The following MARCHF1 variants were observed in gnomAD, a reference collection of about 807,000 sequenced individuals.
MARCHF1 encodes the protein E3 ubiquitin-protein ligase MARCHF1.
MARCHF1 carries 40 observed loss-of-function variants against 54.2 expected under a neutral mutation model. The observed-to-expected ratio is 0.74, with a 90% CI of 0.57 to 0.96. The LOEUF (loss-of-function observed/expected upper bound fraction) is 0.96, where lower values mean the gene tolerates loss of function less well. Among genes scored for constraint, MARCHF1 ranks in the 40% least tolerant of loss-of-function variants. The pLI is 0.00. For synonymous variants in MARCHF1, 236 were observed against 236.3 expected (o/e 1.00, Z 0.01); for missense variants, 586 against 656.5 (o/e 0.89, Z 1.17).
At chr4:163,590,517 T>G (rs1465974922) in intron 7 of MARCHF1, among the ~76,000 whole-genome samples, 1 of 152,132 alleles carries the variant, frequency 6.6e-6, no homozygotes, top group Non-Finnish European at 1.5e-5. Context: ...ATTCTTAAGA[T>G]ATGCAGTTAT....
intron 3 of MARCHF1, among the ~76,000 whole-genome samples, chr4:163,949,583 A>T (rs1752092310): frequency 6.6e-6 from 1 of 152,230 alleles, no homozygotes; most frequent in South Asian, 2.1e-4. Flanking sequence ...TACACAGACA[A>T]GTGGAGGGTA....
chr4:163,620,638 G>C (rs1197595614), intron 5 of MARCHF1, among the ~76,000 whole-genome samples: 1 of 117,678 alleles, frequency 8.5e-6, no homozygotes, highest in Non-Finnish European at 1.8e-5. Flanking sequence ...GAGAGAGAGA[G>C]AGAGAGAGAC....
intron 1 of MARCHF1, among the ~76,000 whole-genome samples, chr4:164,143,392 GA>G (rs1398914828): frequency 6.7e-6 from 1 of 148,470 alleles, no homozygotes; most frequent in Non-Finnish European, 1.5e-5. Flanking sequence ...AAGTTGAAAT[GA>G]AGGAAAAAAT....
intron 1 of MARCHF1, among the ~76,000 whole-genome samples, chr4:164,274,027 C>CA (rs1733808279): frequency 2.0e-5 from 2 of 102,112 alleles, no homozygotes; most frequent in South Asian, 6.3e-4. Context: ...CCTAATCCTC[C>CA]AAAATCACTA....
chr4:164,277,650 C>T (rs1218281631), intron 1 of MARCHF1, among the ~76,000 whole-genome samples: 1 of 152,234 alleles, frequency 6.6e-6, no homozygotes, highest in African/African-American at 2.4e-5. Flanking sequence ...AATCCTCTGG[C>T]CTCCAGCCCA....
intron 5 of MARCHF1, among the ~76,000 whole-genome samples, chr4:163,633,825 A>G (rs1396528463): frequency 6.6e-6 from 1 of 152,142 alleles, no homozygotes; most frequent in Non-Finnish European, 1.5e-5. Context: ...TGAAGGAAAA[A>G]ATGTTAAGGG....
chr4:163,881,452 C>T (rs185383932), intron 3 of MARCHF1, among the ~76,000 whole-genome samples: 1 of 151,584 alleles, frequency 6.6e-6, no homozygotes, highest in East Asian at 1.9e-4. Context: ...GCCTGGGCAA[C>T]AAGAGCGAGA....
chr4:163,939,597 C>T (rs1751869256), intron 3 of MARCHF1, among the ~76,000 whole-genome samples: 1 of 152,162 alleles, frequency 6.6e-6, no homozygotes, highest in Non-Finnish European at 1.5e-5. Flanking sequence ...TATTTTTCTA[C>T]ATATCTGACC....
chr4:163,683,195 G>GT (rs1201776072), intron 5 of MARCHF1, among the ~76,000 whole-genome samples: 1 of 152,166 alleles, frequency 6.6e-6, no homozygotes, highest in Non-Finnish European at 1.5e-5. Context: ...AAAGAAAGAG[G>GT]TTTAATGGAC....
intron 2 of MARCHF1, among the ~76,000 whole-genome samples, chr4:164,061,202 C>T (rs1754608343): frequency 6.6e-6 from 1 of 152,000 alleles, no homozygotes; most frequent in Admixed American, 6.6e-5. Flanking sequence ...CTTGTTGGTT[C>T]CACTCACAAT....
chr4:164,016,137 T>G (rs958202061), intron 2 of MARCHF1, among the ~76,000 whole-genome samples: 9 of 152,100 alleles, frequency 5.9e-5, no homozygotes, highest in African/African-American at 2.2e-4. Flanking sequence ...TATAAAGAAC[T>G]TCCCTGAGAC....
At chr4:163,912,384 C>A (rs998071556) in intron 3 of MARCHF1, among the ~76,000 whole-genome samples, 1 of 152,112 alleles carries the variant, frequency 6.6e-6, no homozygotes, top group Non-Finnish European at 1.5e-5. Flanking sequence ...TAATTACTCC[C>A]TAAAGAACCA....
At chr4:164,080,663 TG>T (rs1755076130) in intron 2 of MARCHF1, among the ~76,000 whole-genome samples, 2 of 150,736 alleles carry the variant, frequency 1.3e-5, no homozygotes, top group African/African-American at 4.9e-5. Context: ...TGTGTGTGTG[TG>T]TGTGTGTATA....
intron 5 of MARCHF1, among the ~76,000 whole-genome samples, chr4:163,639,883 A>G (rs1742491596): frequency 6.6e-6 from 1 of 152,130 alleles, no homozygotes; most frequent in South Asian, 2.1e-4. Context: ...TTGTTGGTGA[A>G]GAGTTAGGGG....
chr4:164,155,571 AT>A (rs1021436607), intron 1 of MARCHF1, among the ~76,000 whole-genome samples: 10 of 152,098 alleles, frequency 6.6e-5, no homozygotes, highest in South Asian at 2.1e-4. Context: ...CTATTAAAAG[AT>A]TTTTTTCAAA....
chr4:164,095,698 A>G (rs948595523), intron 2 of MARCHF1, among the ~76,000 whole-genome samples: 2 of 152,132 alleles, frequency 1.3e-5, no homozygotes, highest in African/African-American at 4.8e-5. Context: ...CTAAAAGTAA[A>G]AAGAAAAACC....
intron 7 of MARCHF1, among the ~76,000 whole-genome samples, chr4:163,600,055 G>A (rs77875690): frequency 0.022 from 3,361 of 152,150 alleles, 160 homozygotes; most frequent in South Asian, 0.1. Flanking sequence ...TAGCCCCCAG[G>A]CTTCTTTTCT....
chr4:164,326,195 C>A (rs1421986015), intron 1 of MARCHF1, among the ~76,000 whole-genome samples: 1 of 152,092 alleles, frequency 6.6e-6, no homozygotes, highest in Non-Finnish European at 1.5e-5. Context: ...CCACTGAGGA[C>A]ATAATGATCA....
chr4:163,628,307 CAT>C (rs1467271215), intron 5 of MARCHF1, among the ~76,000 whole-genome samples: 3 of 152,140 alleles, frequency 2.0e-5, no homozygotes, highest in African/African-American at 7.2e-5. Context: ...ACAAAAACCA[CAT>C]GATTATCTCA....
Sources: allele counts gnomAD v4.1 joint callset (sites outside exome capture counted in the v4.1 genomes callset), GRCh38; gene constraint gnomAD v4.1.1; transcripts MANE v1.5; gene names NCBI Gene and HGNC (gene_info 2026-07-23, HGNC 2026-07-21).